OTUD7A: variants seen among roughly 807,000 people sequenced by gnomAD.
The protein encoded by OTUD7A is OTU deubiquitinase 7A, also known as OTU domain-containing protein 7A.
OTUD7A carries 12 observed loss-of-function variants against 65.7 expected under a neutral mutation model. That is an observed-to-expected ratio of 0.18 (90% CI 0.12 to 0.30). The LOEUF (loss-of-function observed/expected upper bound fraction) is 0.30, where lower values mean the gene tolerates loss of function less well. Among genes scored for constraint, OTUD7A ranks in the 10% least tolerant of loss-of-function variants. OTUD7A has a pLI of 1.00. For synonymous variants in OTUD7A, 641 were observed against 586.3 expected, an observed-to-expected ratio of 1.09 and a Z score of -1.35; for missense variants, 1,148 against 1,304.8, an observed-to-expected ratio of 0.88 and a Z score of 1.85.
chr15:31,743,572 A>G (rs1296306901), intron 1 of OTUD7A, among the ~76,000 whole-genome samples: 1 of 152,116 alleles, frequency 6.6e-6, no homozygotes, highest in Non-Finnish European at 1.5e-5. Flanking sequence ...GTAAGTAGAA[A>G]GAAGGAAAAA....
At chr15:31,640,465 T>A (rs1435472003) in intron 3 of OTUD7A, among the ~76,000 whole-genome samples, 3 of 152,142 alleles carry the variant, frequency 2.0e-5, no homozygotes, top group Non-Finnish European at 4.4e-5. Flanking sequence ...TCTAGAAGAC[T>A]TTTTTAGCTT....
intron 1 of OTUD7A, chr15:31,767,125 T>C (rs1226783205): frequency 6.5e-7 from 1 of 1,536,826 alleles, no homozygotes; most frequent in African/African-American, 1.4e-5. Context: ...TTTATTTTTT[T>C]TTCTCTACGA....
intron 1 of OTUD7A, among the ~76,000 whole-genome samples, chr15:31,812,611 A>T (rs567698691): frequency 2.6e-5 from 4 of 152,116 alleles, no homozygotes; most frequent in Non-Finnish European, 5.9e-5. Context: ...CTATTTCTGG[A>T]CCTCAAGAAC....
At chr15:31,750,572 A>C (rs753048892) in intron 1 of OTUD7A, among the ~76,000 whole-genome samples, 7 of 152,122 alleles carry the variant, frequency 4.6e-5, no homozygotes, top group Non-Finnish European at 8.8e-5. Flanking sequence ...AAAAAGAACA[A>C]AGCTGGAGGC....
chr15:31,510,969 T>C (rs1396449865), intron 8 of OTUD7A, among the ~76,000 whole-genome samples: 3 of 101,378 alleles, frequency 3.0e-5, no homozygotes, highest in African/African-American at 1.4e-4. Context: ...TATCTATATG[T>C]AACATATGTA....
chr15:31,577,458 C>A (rs780622484), intron 3 of OTUD7A, among the ~76,000 whole-genome samples: 2 of 152,178 alleles, frequency 1.3e-5, no homozygotes, highest in Non-Finnish European at 2.9e-5. Context: ...GACCTGTGAC[C>A]ATCCCCACTC....
chr15:31,676,591 G>A (rs966276364), intron 1 of OTUD7A, among the ~76,000 whole-genome samples: 1 of 152,154 alleles, frequency 6.6e-6, no homozygotes, highest in Non-Finnish European at 1.5e-5. Context: ...TGACCATGAG[G>A]GACGGGTCAA....
intron 1 of OTUD7A, among the ~76,000 whole-genome samples, chr15:31,864,099 T>A (rs1897815748): frequency 6.6e-6 from 1 of 152,178 alleles, no homozygotes; most frequent in African/African-American, 2.4e-5. Context: ...AAGTTCCTCA[T>A]CTCCATCTGA....
chr15:31,760,543 G>A (rs546468517), intron 1 of OTUD7A, among the ~76,000 whole-genome samples: 11 of 152,248 alleles, frequency 7.2e-5, no homozygotes, highest in East Asian at 3.9e-4. Context: ...GTTATCTTCC[G>A]TTGTCTTCCA....
At chr15:31,584,954 T>G (rs144070984) in intron 3 of OTUD7A, among the ~76,000 whole-genome samples, 1 of 152,324 alleles carries the variant, frequency 6.6e-6, no homozygotes, top group East Asian at 1.9e-4. Flanking sequence ...TAATTCAGTC[T>G]TTAAGGTATA....
chr15:31,757,996 G>A (rs568438511), intron 1 of OTUD7A, among the ~76,000 whole-genome samples: 1 of 152,264 alleles, frequency 6.6e-6, no homozygotes, highest in East Asian at 1.9e-4. Context: ...ATGCTAGGTA[G>A]TTTGACATAT....
At chr15:31,527,411 C>G in intron 6 of OTUD7A, 103 bp from the exon 7 acceptor site, 1 of 1,441,216 alleles carries the variant, frequency 6.9e-7, no homozygotes, top group East Asian at 2.3e-5. Context: ...AGCCTCCTGT[C>G]TGCACGCAGA....
At chr15:31,859,224 G>GT (rs557029161) in intron 1 of OTUD7A, among the ~76,000 whole-genome samples, 74 of 152,158 alleles carry the variant, frequency 4.9e-4, no homozygotes, top group Middle Eastern at 6.8e-3. Flanking sequence ...TGACAAAACT[G>GT]TATGTTTTTG....
At chr15:31,629,506 T>C (rs1021141870) in intron 3 of OTUD7A, among the ~76,000 whole-genome samples, 5 of 152,244 alleles carry the variant, frequency 3.3e-5, no homozygotes, top group African/African-American at 1.2e-4. Flanking sequence ...AGTATTTTAT[T>C]GAGGATTTTT....
At chr15:31,621,735 T>C (rs1890791374) in intron 3 of OTUD7A, among the ~76,000 whole-genome samples, 1 of 151,486 alleles carries the variant, frequency 6.6e-6, no homozygotes, top group East Asian at 1.9e-4. Flanking sequence ...CCAGTCCGTG[T>C]CTTTTAATTG....
At chr15:31,507,573 A>G (rs527796647) in intron 8 of OTUD7A, among the ~76,000 whole-genome samples, 3 of 152,162 alleles carry the variant, frequency 2.0e-5, no homozygotes, top group Non-Finnish European at 2.9e-5. Context: ...TTGTGGAGAG[A>G]GAAAGAACAA....
intron 1 of OTUD7A, among the ~76,000 whole-genome samples, chr15:31,675,813 AT>A (rs1435554404): frequency 6.6e-6 from 1 of 152,246 alleles, no homozygotes; most frequent in Non-Finnish European, 1.5e-5. Context: ...CTGTAAGTTA[AT>A]TAGGAAAAAC....
At position 31,483,917 on chromosome 15, in the gene OTUD7A, T is replaced by C; in HGVS notation, c.2179A>G (p.Lys727Glu). 9.3e-7 allele frequency: 1 copy of C among 1,070,748 alleles called. No individual in the cohort carries two copies. Among genetic ancestry groups the C allele is most frequent in the South Asian group, 3.0e-5 (1 of 33,604 alleles). 66.3% of individuals were successfully genotyped at this position (1,070,748 alleles called of 1,614,324 possible). A position where few individuals can be genotyped will look rare whatever the true frequency, so the allele number is the denominator to read the frequency against. The change falls in exon 13 of 13, where the codon AAG (lysine) becomes GAG (glutamate). Residue 727 changes from lysine to glutamate, a missense_variant. Around this residue, in one of 6 missense-constraint regions of OTUD7A, gnomAD observed 842 missense variants for 769.5 expected, o/e 1.09. Transcript: ENST00000307050. The stretch of plus-strand genomic sequence containing the variant: ...CCGGGGCTCGGCCGCTCCTTGAGCT[T>C]GAGCACCAGCTGCGTGGGTGGGCCC... ...SPGPPTQLVL[K>E]LKERPSPGPA...
At chr15:31,762,342 T>C (rs1894988760) in intron 1 of OTUD7A, among the ~76,000 whole-genome samples, 1 of 152,100 alleles carries the variant, frequency 6.6e-6, no homozygotes, top group Admixed American at 6.6e-5. Context: ...TTTTTCTCTG[T>C]CCTCCCACCA....
Sources: allele counts gnomAD v4.1 joint callset (sites outside exome capture counted in the v4.1 genomes callset), GRCh38; gene constraint gnomAD v4.1.1; regional missense constraint gnomAD v4.1.1; transcripts MANE v1.5; gene names NCBI Gene and HGNC (gene_info 2026-07-23, HGNC 2026-07-21).